TRO: variants seen among roughly 807,000 people sequenced by gnomAD.
TRO encodes the protein trophinin, also known as MAGE superfamily protein.
Under a neutral mutation model 42.3 loss-of-function variants are expected in TRO, and 29 were observed. That is an observed-to-expected ratio of 0.68 (90% CI 0.51 to 0.93). The LOEUF (loss-of-function observed/expected upper bound fraction) is 0.93. Among genes scored for constraint, TRO ranks in the 40% least tolerant of loss-of-function variants. TRO has a pLI of 0.00. For synonymous variants in TRO, 384 were observed against 425.2 expected, an observed-to-expected ratio of 0.90 and a Z score of 1.19; for missense variants, 963 against 1,127.7, an observed-to-expected ratio of 0.85 and a Z score of 2.09.
chrX:54,921,721 G>GT (rs1932079411), intron 1 of TRO, among the ~76,000 whole-genome samples: 1 of 97,297 alleles, frequency 1.0e-5, no homozygotes, highest in Non-Finnish European at 2.1e-5. Context: ...GTGCGGAGTG[G>GT]TACTGCAGAG....
At chrX:54,921,589 G>C (rs1271189640) in intron 1 of TRO, 1 of 107,632 alleles carries the variant, frequency 9.3e-6, no homozygotes, top group Non-Finnish European at 1.9e-5. Flanking sequence ...GAGGGAGGGG[G>C]CTTATTAAAG....
intron 11 of TRO, among the ~76,000 whole-genome samples, chrX:54,928,057 C>T (rs1013375838): frequency 1.8e-5 from 2 of 112,527 alleles, no homozygotes; most frequent in African/African-American, 3.2e-5. Flanking sequence ...TTCTTGAGGG[C>T]GAGAATCCTA....
chrX:54,930,924 A>AAAC lies in TRO; in HGVS notation c.4202_4204dup (p.Asn1401dup). 5 of 1,202,162 alleles carry AAAC rather than the reference A, an allele frequency of 4.2e-6. No homozygotes were observed. Among genetic ancestry groups the AAAC allele is most frequent in the Non-Finnish European group, 5.6e-6 (5 of 891,728 alleles). ...CAGGAGCTGGCTTCGGCGGTGGACC[A>AAAC]AACACTGGTGCTGGCTTTGGTGGTG... On this transcript the variant is annotated inframe_insertion, in exon 12 of 13. Transcript: ENST00000173898.
chrX:54,924,586 C>T, intron 4 of TRO, 31 bp downstream of exon 4: 1 of 1,198,806 alleles, frequency 8.3e-7, no homozygotes. Context: ...AGTCTCTTCT[C>T]TTCTTCACTT....
At chrX:54,921,587 G>A (rs1932055297) in intron 1 of TRO, 1 of 107,897 alleles carries the variant, frequency 9.3e-6, no homozygotes, top group Admixed American at 9.9e-5. Flanking sequence ...CGGAGGGAGG[G>A]GGCTTATTAA....
intron 12 of TRO, 60 bp downstream of exon 12, chrX:54,931,091 T>C: frequency 8.5e-7 from 1 of 1,174,674 alleles, no homozygotes; most frequent in Admixed American, 2.3e-5. Flanking sequence ...CTGGGAGATG[T>C]TGTAAGAAAC....
In TRO at chrX:54,922,937, G is replaced by A; in HGVS notation, c.405G>A (p.Gln135=). 8.3e-7 allele frequency: 1 copy of A among 1,211,735 alleles called. No homozygotes were observed. The highest frequency in any genetic ancestry group is 1.1e-6 in the Non-Finnish European group (1 of 895,549). The change falls in exon 3 of 13, where the codon CAG becomes CAA. Residue 135 remains glutamine, a synonymous_variant. Transcript: ENST00000173898. ...CTCAGGCTTCTTCAGTCACTGCTCA[G>A]CCTAAGAAAGCCAACAAGATGAAGA... ...TNTQASSVTA[Q]PKKANKMKRV...
rs191668342 is a variant in TRO, at chrX:54,923,041, T to C, written c.509T>C (p.Leu170Ser). ...EGGTIQLKSP[L>S]QVLKLPVISQ... ...GGCACTATACAGCTGAAGTCACCCT[T>C]GCAGGTCCTAAAGCTACCAGTCATC... The change falls in exon 3 of 13, where the codon TTG becomes TCG. Residue 170 changes from leucine to serine, a missense_variant. Physicochemically the swap from Leu to Ser is moderately radical, Grantham distance 145. Transcript: ENST00000173898. 4.1e-6 allele frequency: 5 copies of C among 1,210,357 alleles called. No individual in the cohort carries two copies. The East Asian group carries it at 1.5e-4, about 36-fold the overall frequency.
chrX:54,922,787 T>C lies in TRO; in HGVS notation c.255T>C (p.Ala85=), dbSNP rs1211816694. The C allele has an allele frequency of 8.3e-7, 1 of 1,206,490 alleles. No individual in the cohort carries two copies. The highest frequency in any genetic ancestry group is 1.1e-6 in the Non-Finnish European group (1 of 892,639). Residue 85 remains alanine, a synonymous_variant, in exon 3 of 13, where the codon GCT becomes GCC. Transcript: ENST00000173898. The part of the protein sequence containing the change: ...PIKTITKAAP[A]APPVPAANEI... ...AGACTATTACTAAGGCTGCACCTGC[T>C]GCCCCTCCAGTCCCAGCTGCCAATG...
In TRO at chrX:54,923,741, C is replaced by T. The variant is rs775581525; in HGVS notation, c.1209C>T (p.Thr403=). 2 of 1,204,670 alleles carry T rather than the reference C, an allele frequency of 1.7e-6. No homozygotes were observed. Among genetic ancestry groups the T allele is most frequent in the Non-Finnish European group, 2.2e-6 (2 of 893,123 alleles). ...CTCAGTTGAGCCTGGAGCCCACAAC[C>T]AGGACCCGGGGCAAAAGAAACCGAA... is the stretch of plus-strand genomic sequence containing the variant. ...YLAQLSLEPT[T]RTRGKRNRKS... Residue 403 remains threonine, a synonymous_variant, in exon 3 of 13, where the codon ACC becomes ACT. Transcript: ENST00000173898.
At chrX:54,923,842 T>C (rs180815202) in intron 3 of TRO, 74 bp downstream of exon 3, 6 of 1,038,019 alleles carry the variant, frequency 5.8e-6, no homozygotes, top group Middle Eastern at 2.6e-4. Flanking sequence ...TGTTCATTTC[T>C]TCTATAAAAG....
At chrX:54,922,385 C>A in intron 2 of TRO, 94 bp downstream of exon 2, 2 of 1,036,618 alleles carry the variant, frequency 1.9e-6, no homozygotes, top group Non-Finnish European at 2.6e-6. Flanking sequence ...TTTCATAATT[C>A]CCTGCCTAAC....
Position 54,929,610 on chromosome X carries a change from TC to T in TRO, c.2889del (p.Ser964AlafsTer30). The T allele has an allele frequency of 1.7e-6, 2 of 1,211,297 alleles. No individual in the cohort carries two copies. Among genetic ancestry groups the T allele is most frequent in the Non-Finnish European group, 2.2e-6 (2 of 895,196 alleles). Reference protein sequence around the residue: ...LSTSICFDGSPSTGAGFGGAL... With the variant: ...LSTSICFDGSXSTGAGFGGAL... ...GTACCAGCATCTGCTTTGATGGCTC[TC>T]CCAGCACTGGTGCTGGCTTTGGTGG... On this transcript the variant is annotated frameshift_variant, in exon 12 of 13. Transcript: ENST00000173898. LOFTEE classifies it low-confidence loss of function (END_TRUNC).
chrX:54,929,759 C>T lies in TRO; in HGVS notation c.3035C>T (p.Ser1012Phe), dbSNP rs375594690. Residue 1012 changes from serine to phenylalanine, a missense_variant, in exon 12 of 13, where the codon TCT becomes TTT. By Grantham distance (155) the Ser-to-Phe change is radical. Coordinates refer to ENST00000173898, the MANE Select transcript of TRO (RefSeq NM_001039705.3). Reference protein sequence around the residue: ...TLSTSVCFGGSPGTSVSFGSA... With the variant: ...TLSTSVCFGGFPGTSVSFGSA... ...AGCACCAGTGTCTGCTTTGGTGGCT[C>T]TCCTGGCACCAGTGTCAGCTTTGGC... 1.3e-5 allele frequency: 16 copies of T among 1,210,315 alleles called. No individual in the cohort carries two copies. In the African/African-American group the frequency reaches 1.6e-4, roughly 12 times the overall value.
In TRO at chrX:54,930,460, A is replaced by T. The variant is rs1206308434; in HGVS notation, c.3736A>T (p.Ser1246Cys). 1 of 1,209,521 alleles carries T rather than the reference A, an allele frequency of 8.3e-7. No individual in the cohort carries two copies. The highest frequency in any genetic ancestry group is 3.0e-5 in the East Asian group (1 of 33,720). The change falls in exon 12 of 13, where the codon AGC (serine) becomes TGC (cysteine). Residue 1246 changes from serine (S) to cysteine (C), a missense_variant. Physicochemically the swap from Ser to Cys is moderately radical, Grantham distance 112. Coordinates refer to ENST00000173898, the MANE Select transcript of TRO (RefSeq NM_001039705.3). ...SSGFDGGLGT[S>C]AGFGGGPGTS... ...TGGCTTTGATGGTGGGCTAGGTACC[A>T]GCGCTGGCTTCGGTGGAGGACCAGG...
At chrX:54,927,639 G>C (rs1278306711) in intron 10 of TRO, 28 bp from the exon 11 acceptor site, 1 of 1,166,340 alleles carries the variant, frequency 8.6e-7, no homozygotes, top group African/African-American at 1.8e-5. Flanking sequence ...TGCTTGGTTA[G>C]AAACAAGTTT....
Position 54,923,732 on chromosome X carries a change from G to T in TRO, c.1200G>T (p.Glu400Asp), listed in dbSNP as rs999654188. The T allele has an allele frequency of 4.1e-6, 5 of 1,206,904 alleles. No homozygotes were observed. In the African/African-American group the frequency reaches 7.0e-5, roughly 17 times the overall value. The change falls in exon 3 of 13, where the codon GAG (glutamate) becomes GAT (aspartate). Residue 400 changes from glutamate to aspartate, a missense_variant. Physicochemically the swap from Glu to Asp is conservative, Grantham distance 45. Around this residue, in one of 2 missense-constraint regions of TRO, gnomAD observed 322 missense variants for 316.5 expected, o/e 1.02. Coordinates refer to ENST00000173898, the MANE Select transcript of TRO (RefSeq NM_001039705.3). ...ADDYLAQLSL[E>D]PTTRTRGKRN... Reference sequence around the variant, plus strand: ...ACTATCTGGCTCAGTTGAGCCTGGAGCCCACAACCAGGACCCGGGGCAAAA... The same window carrying T: ...ACTATCTGGCTCAGTTGAGCCTGGATCCCACAACCAGGACCCGGGGCAAAA...
chrX:54,927,913 T>C (rs1391511405), intron 11 of TRO, 132 bp downstream of exon 11: 2 of 456,944 alleles, frequency 4.4e-6, no homozygotes, highest in Non-Finnish European at 3.7e-6. Context: ...GCCTCCTTTA[T>C]GTCCCAGGGT....
In TRO at chrX:54,925,691, G is replaced by A. The variant is rs752779861; in HGVS notation, c.1577+8G>A. 8.4e-7 allele frequency: 1 copy of A among 1,189,840 alleles called. No homozygotes were observed. The highest frequency in any genetic ancestry group is 1.1e-6 in the Non-Finnish European group (1 of 876,476). ...TGCAGGCATACTGGGAACGTAAGCT[G>A]GGAAAGGGCTGGAGTGGGAAGGAAG... On this transcript the variant is annotated splice_region_variant and intron_variant, in intron 7 of 12. Transcript: ENST00000173898.
Sources: gnomAD v4.1 joint callset for allele counts (sites outside exome capture counted in the v4.1 genomes callset) on GRCh38, gnomAD v4.1.1 for gene constraint, gnomAD v4.1.1 regional missense constraint, MANE v1.5 for transcripts, NCBI Gene and HGNC (gene_info 2026-07-23, HGNC 2026-07-21) for gene names.